The following CCDC85A variants were observed in gnomAD, a reference collection of about 807,000 sequenced individuals.
CCDC85A encodes coiled-coil domain-containing protein 85A.
In CCDC85A, 38 loss-of-function variants were observed where a neutral mutation model predicts 50.2. The ratio of observed to expected loss-of-function variants is 0.76; its 90% CI spans 0.58 to 0.99. The LOEUF is 0.99. Among genes scored for constraint, CCDC85A ranks in the 50% least tolerant of loss-of-function variants. The pLI is 0.00. For synonymous variants in CCDC85A, 366 were observed against 301.4 expected (o/e 1.21, Z -2.22); for missense variants, 820 against 742.0 (o/e 1.11, Z -1.22).
intron 2 of CCDC85A, among the ~76,000 whole-genome samples, chr2:56,292,887 C>G (rs964330547): frequency 6.6e-6 from 1 of 152,198 alleles, no homozygotes; most frequent in Non-Finnish European, 1.5e-5. Context: ...ATATTGGCAT[C>G]ACTTTCCTTA....
At chr2:56,243,628 T>C (rs994182895) in intron 2 of CCDC85A, among the ~76,000 whole-genome samples, 6 of 152,232 alleles carry the variant, frequency 3.9e-5, no homozygotes, top group Non-Finnish European at 7.3e-5. Context: ...CTCTCCAGGC[T>C]TGGCCCCTGG....
rs531546544 is a variant in CCDC85A, at chr2:56,333,966, C to G, written c.1241-8913C>G. 2.0e-5 allele frequency among the ~76,000 whole-genome samples: 3 copies of G among 152,298 alleles called. No homozygotes were observed. The South Asian group carries it at 6.2e-4, about 32-fold the overall frequency. ...ACTAGATTCCAGAATATGGGTCTTC[C>G]CAGCCAGTGCTTCTGAGCACCACCT... On this transcript the variant is annotated intron_variant, in intron 2 of 5. Transcript: ENST00000407595.
At chr2:56,185,254 C>T (rs1024549056) in intron 1 of CCDC85A, among the ~76,000 whole-genome samples, 8 of 152,146 alleles carry the variant, frequency 5.3e-5, no homozygotes, top group African/African-American at 1.9e-4. Flanking sequence ...GCGGAAAGGC[C>T]AGTGAGGGGG....
chr2:56,202,876 T>C lies in CCDC85A; in HGVS notation c.1240+9436T>C, dbSNP rs17268639. Reference sequence around the variant, plus strand: ...TCACCCATCCACCCAAACAGAATAATAAGACCCTGAAAGGCAAGTCATTAG... The same window carrying C: ...TCACCCATCCACCCAAACAGAATAACAAGACCCTGAAAGGCAAGTCATTAG... On this transcript the variant is annotated intron_variant, in intron 2 of 5. Coordinates refer to ENST00000407595, the MANE Select transcript of CCDC85A (RefSeq NM_001080433.2). Among the ~76,000 whole-genome samples, 1,300 of 152,244 alleles carry C rather than the reference T, an allele frequency of 8.5e-3. 11 individuals are homozygous for C. Among genetic ancestry groups the C allele is most frequent in the South Asian group, 0.025 (119 of 4,824 alleles).
chr2:56,332,183 T>A (rs1265770239), intron 2 of CCDC85A, among the ~76,000 whole-genome samples: 1 of 152,224 alleles, frequency 6.6e-6, no homozygotes, highest in Non-Finnish European at 1.5e-5. Context: ...GCATTTAGAT[T>A]GTATTCTAAG....
At chr2:56,351,097 G>A (rs376304206) in intron 3 of CCDC85A, among the ~76,000 whole-genome samples, 10,784 of 134,764 alleles carry the variant, frequency 0.08, 525 homozygotes, top group Non-Finnish European at 0.11. Context: ...GTGAGAATAT[G>A]CGGTGTTTGG....
At chr2:56,366,079 T>G (rs1675777371) in intron 3 of CCDC85A, among the ~76,000 whole-genome samples, 1 of 152,218 alleles carries the variant, frequency 6.6e-6, no homozygotes, top group Non-Finnish European at 1.5e-5. Context: ...TTGTGACAAG[T>G]GACAGGATTT....
At chr2:56,277,474 T>C (rs192442386) in intron 2 of CCDC85A, among the ~76,000 whole-genome samples, 4 of 152,306 alleles carry the variant, frequency 2.6e-5, no homozygotes, top group African/African-American at 9.6e-5. Flanking sequence ...TTAGAGATTC[T>C]TTTTTCTTTC....
chr2:56,383,044 T>C (rs1676664737), intron 5 of CCDC85A, among the ~76,000 whole-genome samples: 1 of 152,078 alleles, frequency 6.6e-6, no homozygotes, highest in South Asian at 2.1e-4. Flanking sequence ...ATAATTCCTT[T>C]CCAGATATTT....
intron 2 of CCDC85A, among the ~76,000 whole-genome samples, chr2:56,299,018 A>C (rs1466079259): frequency 2.0e-5 from 3 of 152,132 alleles, no homozygotes; most frequent in African/African-American, 7.2e-5. Context: ...AAATCTAGTC[A>C]CCTTGTAGCA....
intron 3 of CCDC85A, among the ~76,000 whole-genome samples, chr2:56,358,961 A>ATTTT (rs1247665108): frequency 1.7e-4 from 6 of 35,784 alleles, no homozygotes; most frequent in African/African-American, 3.5e-4. Flanking sequence ...ATTTTTTTGT[A>ATTTT]TTTTTTTTTT....
chr2:56,381,241 T>C (rs1676571555), intron 5 of CCDC85A, among the ~76,000 whole-genome samples: 1 of 152,144 alleles, frequency 6.6e-6, no homozygotes, highest in South Asian at 2.1e-4. Context: ...ATTCACTTTC[T>C]GTAGCTTTTC....
At chr2:56,248,644 A>G (rs1362430831) in intron 2 of CCDC85A, among the ~76,000 whole-genome samples, 1 of 152,216 alleles carries the variant, frequency 6.6e-6, no homozygotes, top group Non-Finnish European at 1.5e-5. Flanking sequence ...CAATAGTGGA[A>G]GTCAGAGTGA....
chr2:56,312,431 G>C (rs1231157457), intron 2 of CCDC85A, among the ~76,000 whole-genome samples: 1 of 152,172 alleles, frequency 6.6e-6, no homozygotes, highest in East Asian at 1.9e-4. Context: ...TAATAAAGTT[G>C]TATTTTGTGA....
intron 2 of CCDC85A, among the ~76,000 whole-genome samples, chr2:56,276,697 T>C (rs1048668727): frequency 6.6e-6 from 1 of 152,250 alleles, no homozygotes; most frequent in African/African-American, 2.4e-5. Context: ...GTCTCTGATA[T>C]GTCTTTGTCA....
At chr2:56,360,319 G>A (rs1675462164) in intron 3 of CCDC85A, among the ~76,000 whole-genome samples, 1 of 152,118 alleles carries the variant, frequency 6.6e-6, no homozygotes, top group African/African-American at 2.4e-5. Context: ...CTAATTGATA[G>A]GCCTCTCCAT....
chr2:56,256,936 A>G (rs1670007928), intron 2 of CCDC85A, among the ~76,000 whole-genome samples: 1 of 152,210 alleles, frequency 6.6e-6, no homozygotes, highest in African/African-American at 2.4e-5. Flanking sequence ...TAGTAATTTC[A>G]AACAGATTCA....
chr2:56,293,016 G>T (rs1671787287), intron 2 of CCDC85A, among the ~76,000 whole-genome samples: 1 of 152,152 alleles, frequency 6.6e-6, no homozygotes, highest in African/African-American at 2.4e-5. Flanking sequence ...AGAAATGAGA[G>T]CAGGTTTACA....
intron 2 of CCDC85A, among the ~76,000 whole-genome samples, chr2:56,240,410 CCTGCTCTCACT>C (rs1222514934): frequency 6.6e-6 from 1 of 152,136 alleles, no homozygotes; most frequent in African/African-American, 2.4e-5. Context: ...CCTGCTTGAG[CCTGCTCTCACT>C]CTGTGGAGTG....
Sources: allele counts gnomAD v4.1 joint callset (sites outside exome capture counted in the v4.1 genomes callset), GRCh38; gene constraint gnomAD v4.1.1; transcripts MANE v1.5; gene names NCBI Gene and HGNC (gene_info 2026-07-23, HGNC 2026-07-21).